The following GALNT17 variants were observed in gnomAD, a reference collection of about 807,000 sequenced individuals.
The protein encoded by GALNT17 is polypeptide N-acetylgalactosaminyltransferase 17, also known as UDP-GalNAc:polypeptide N-acetylgalactosaminyltransferase-like 3.
Under a neutral mutation model 63.7 loss-of-function variants are expected in GALNT17, and 29 were observed. That is an observed-to-expected ratio of 0.46 (90% CI 0.34 to 0.62). The LOEUF (loss-of-function observed/expected upper bound fraction) is 0.62. Ranked by LOEUF, GALNT17 falls within the 20% of genes least tolerant of loss-of-function variation. The pLI, the probability that GALNT17 is intolerant of heterozygous loss-of-function variation, is 0.01. For missense variants in GALNT17, 603 were observed against 799.6 expected (o/e 0.75, Z 2.97); for synonymous variants, 305 against 318.3 (o/e 0.96, Z 0.45).
intron 5 of GALNT17, among the ~76,000 whole-genome samples, chr7:71,567,539 A>G (rs539543727): frequency 6.6e-6 from 1 of 152,334 alleles, no homozygotes; most frequent in East Asian, 1.9e-4. Context: ...ATCTTGGCTC[A>G]CTGCAGCCTC....
Position 71,513,366 on chromosome 7 carries a change from T to TTTTTTTTGTTTTTTTG in GALNT17, c.963-57904_963-57889dup, listed in dbSNP as rs967765002. On this transcript the variant is annotated intron_variant, in intron 5 of 10. Transcript: ENST00000333538. ...CTCATGGCCAATCTTCCCTTGGTGTTTTTTTTTGTTTTTTTGTTTTTTTGT... is the reference window on the plus strand; with the variant it reads ...CTCATGGCCAATCTTCCCTTGGTGTTTTTTTTTGTTTTTTTGTTTTTTTGTTTTTTTGTTTTTTTGT... 2.6e-5 allele frequency among the ~76,000 whole-genome samples: 4 copies of TTTTTTTTGTTTTTTTG among 151,544 alleles called. No individual in the cohort carries two copies. In the East Asian group the frequency reaches 7.8e-4, roughly 29 times the overall value.
chr7:71,669,529 CCCTT>C (rs1190960704), intron 7 of GALNT17, among the ~76,000 whole-genome samples: 5 of 151,534 alleles, frequency 3.3e-5, no homozygotes, highest in Non-Finnish European at 7.4e-5. Flanking sequence ...AAAACAAACA[CCCTT>C]CTGAATAAGC....
Position 71,346,102 on chromosome 7 carries a change from G to A in GALNT17, c.422+10369G>A, listed in dbSNP as rs540287405. Among the ~76,000 whole-genome samples the A allele has an allele frequency of 6.2e-4, 94 of 151,862 alleles. 1 individual carries two copies. The highest frequency in any genetic ancestry group is 2.1e-3 in the African/African-American group (88 of 41,444). ...CAGCTACTGGGGAGGCTGAAGTGGG[G>A]GGATTGCTTGAGTCCAGAGTCCAAG... On this transcript the variant is annotated intron_variant, in intron 2 of 10. Coordinates refer to ENST00000333538, the MANE Select transcript of GALNT17 (RefSeq NM_022479.3).
At chr7:71,351,540 C>T (rs778924454) in intron 2 of GALNT17, among the ~76,000 whole-genome samples, 34 of 151,768 alleles carry the variant, frequency 2.2e-4, no homozygotes, top group African/African-American at 3.1e-4. Flanking sequence ...GGAGAAAACA[C>T]GGAGACTAAG....
intron 2 of GALNT17, among the ~76,000 whole-genome samples, chr7:71,342,812 A>C (rs12154870): frequency 0.59 from 89,940 of 151,654 alleles, 26,780 homozygotes; most frequent in Non-Finnish European, 0.61. Context: ...ATTTAGCAAC[A>C]TGGAGATTAC....
intron 6 of GALNT17, among the ~76,000 whole-genome samples, chr7:71,655,481 G>T (rs1285992766): frequency 1.3e-5 from 2 of 152,110 alleles, no homozygotes; most frequent in Non-Finnish European, 2.9e-5. Context: ...CAGCCTCTGC[G>T]GTCTGCTGTT....
chr7:71,643,768 C>T (rs552978927), intron 6 of GALNT17, among the ~76,000 whole-genome samples: 4 of 152,240 alleles, frequency 2.6e-5, no homozygotes, highest in African/African-American at 9.6e-5. Flanking sequence ...AGAAGATATG[C>T]CAGACACGGT....
intron 6 of GALNT17, among the ~76,000 whole-genome samples, chr7:71,650,892 G>A (rs1790744580): frequency 6.6e-6 from 1 of 152,158 alleles, no homozygotes; most frequent in Non-Finnish European, 1.5e-5. Context: ...CTATGAGCCT[G>A]GCAGTGACAT....
chr7:71,361,090 G>A (rs4719116), intron 2 of GALNT17, among the ~76,000 whole-genome samples: 64,001 of 151,732 alleles, frequency 0.42, 13,665 homozygotes, highest in East Asian at 0.55. Flanking sequence ...GACATCCTGG[G>A]GGCTCATTAT....
At chr7:71,137,227 C>A (rs1331497797) in intron 1 of GALNT17, among the ~76,000 whole-genome samples, 2 of 151,794 alleles carry the variant, frequency 1.3e-5, no homozygotes, top group Non-Finnish European at 2.9e-5. Context: ...GCAAGCTCCG[C>A]CTCCCGGGTT....
At chr7:71,314,828 C>T (rs1791473013) in intron 1 of GALNT17, among the ~76,000 whole-genome samples, 1 of 152,048 alleles carries the variant, frequency 6.6e-6, no homozygotes, top group Non-Finnish European at 1.5e-5. Context: ...ATCGCTTGAG[C>T]CCAGGAGTTA....
intron 1 of GALNT17, among the ~76,000 whole-genome samples, chr7:71,170,720 T>C (rs995356956): frequency 7.9e-5 from 12 of 152,152 alleles, no homozygotes; most frequent in African/African-American, 2.7e-4. Context: ...ATGCTTGATA[T>C]TTTAACACTG....
At chr7:71,256,761 C>A (rs2115593007) in intron 1 of GALNT17, among the ~76,000 whole-genome samples, 1 of 152,252 alleles carries the variant, frequency 6.6e-6, no homozygotes, top group South Asian at 2.1e-4. Flanking sequence ...AATTTGGCAC[C>A]CAATATGGGG....
chr7:71,694,336 T>C (rs1791507737), intron 9 of GALNT17, among the ~76,000 whole-genome samples: 1 of 149,752 alleles, frequency 6.7e-6, no homozygotes, highest in African/African-American at 2.5e-5. Flanking sequence ...AAATGCACTA[T>C]GATGTAATCT....
intron 6 of GALNT17, among the ~76,000 whole-genome samples, chr7:71,620,293 C>T (rs1261945334): frequency 1.3e-5 from 2 of 152,176 alleles, no homozygotes; most frequent in African/African-American, 2.4e-5. Flanking sequence ...CAGGCTGATG[C>T]TGGTTTCATA....
Position 71,355,051 on chromosome 7 carries a change from G to C in GALNT17, c.422+19318G>C, listed in dbSNP as rs373857777. ...TGTTTCAATGATTATTTCCCCCTTTGGTTTCTTATTTATGTATTTGTGCTT... is the reference window on the plus strand; with the variant it reads ...TGTTTCAATGATTATTTCCCCCTTTCGTTTCTTATTTATGTATTTGTGCTT... On this transcript the variant is annotated intron_variant, in intron 2 of 10. Coordinates refer to ENST00000333538, the MANE Select transcript of GALNT17 (RefSeq NM_022479.3). Among the ~76,000 whole-genome samples, 156 of 151,926 alleles carry C rather than the reference G, an allele frequency of 1.0e-3. 1 individual carries two copies. The highest frequency in any genetic ancestry group is 3.4e-3 in the Middle Eastern group (1 of 294).
intron 1 of GALNT17, among the ~76,000 whole-genome samples, chr7:71,219,755 A>G (rs540746260): frequency 1.3e-5 from 2 of 152,172 alleles, no homozygotes; most frequent in South Asian, 2.1e-4. Context: ...ACCTATTTGT[A>G]GGCTTTTATG....
intron 1 of GALNT17, among the ~76,000 whole-genome samples, chr7:71,188,936 A>ACCTT (rs1184512928): frequency 6.6e-6 from 1 of 152,170 alleles, no homozygotes; most frequent in Non-Finnish European, 1.5e-5. Context: ...TGTGAAATAC[A>ACCTT]CCTTGGTATA....
intron 5 of GALNT17, among the ~76,000 whole-genome samples, chr7:71,556,022 G>A (rs1465399149): frequency 1.3e-5 from 2 of 152,170 alleles, no homozygotes. Context: ...CTAGATCAAG[G>A]CTAATGACTG....
Sources: allele counts gnomAD v4.1 joint callset (sites outside exome capture counted in the v4.1 genomes callset), GRCh38; gene constraint gnomAD v4.1.1; transcripts MANE v1.5; gene names NCBI Gene and HGNC (gene_info 2026-07-23, HGNC 2026-07-21).